CACTIN: variants seen among roughly 807,000 people sequenced by gnomAD.
CACTIN encodes the protein splicing factor Cactin.
In CACTIN, 20 loss-of-function variants were observed where a neutral mutation model predicts 84.9. The observed-to-expected ratio is 0.24, with a 90% CI of 0.17 to 0.34. The LOEUF (loss-of-function observed/expected upper bound fraction) is 0.34. Ranked by LOEUF, CACTIN falls within the 10% of genes least tolerant of loss-of-function variation. The pLI, the probability that CACTIN is intolerant of heterozygous loss-of-function variation, is 1.00. For synonymous variants in CACTIN, 549 were observed against 467.9 expected, an observed-to-expected ratio of 1.17 and a Z score of -2.24; for missense variants, 897 against 1,117.2, an observed-to-expected ratio of 0.80 and a Z score of 2.81.
chr19:3,626,639 C>A lies in CACTIN; in HGVS notation c.124G>T (p.Asp42Tyr), dbSNP rs1308716085. ...HGRRNRRRREDEGRRRRRRRS... is the reference protein window; with the variant it reads ...HGRRNRRRREYEGRRRRRRRS... ...CGCCTCCGTCTGCGCCGTCCCTCGT[C>A]CTCCCGGCGCCGTCGGTTTCGCCGC... The change falls in exon 1 of 10, where the codon GAC becomes TAC. Residue 42 changes from aspartate (D) to tyrosine (Y), a missense_variant. Physicochemically the swap from Asp to Tyr is radical, Grantham distance 160. This residue lies in a region of CACTIN where 261 missense variants were observed against 243.8 expected (regional missense o/e 1.07). Transcript: ENST00000429344. 2 of 1,534,758 alleles carry A rather than the reference C, an allele frequency of 1.3e-6. No individual in the cohort carries two copies. The highest frequency in any genetic ancestry group is 2.8e-5 in the African/African-American group (2 of 70,280).
chr19:3,620,750 CGCTCCTTCA>C lies in CACTIN; in HGVS notation c.686_694del (p.Leu229_Glu231del), dbSNP rs773716221. The C allele has an allele frequency of 1.9e-6, 3 of 1,613,530 alleles. No individual in the cohort carries two copies. Among genetic ancestry groups the C allele is most frequent in the Non-Finnish European group, 2.5e-6 (3 of 1,179,890 alleles). On this transcript the variant is annotated inframe_deletion, in exon 3 of 10. Coordinates refer to ENST00000429344, the MANE Select transcript of CACTIN (RefSeq NM_001080543.2). ...GTTGTCCTCCTGGATCCTCTTGTTC[CGCTCCTTCA>C]GCTCCTTCTCCTCCAGGTGGCTGAT... is the stretch of plus-strand genomic sequence containing the variant.
rs536802618 is a variant in CACTIN, at chr19:3,623,267, C to T, written c.642+421G>A. 2.7e-5 allele frequency among the ~76,000 whole-genome samples: 4 copies of T among 146,644 alleles called. No individual in the cohort carries two copies. The South Asian group carries it at 6.5e-4, about 24-fold the overall frequency. Reference sequence around the variant, plus strand: ...AAAGCTGGCCGGGCGTGGTGGCTCACGCCTGTAATCCCAGCACTTTGGGAG... The same window carrying T: ...AAAGCTGGCCGGGCGTGGTGGCTCATGCCTGTAATCCCAGCACTTTGGGAG... On this transcript the variant is annotated intron_variant, in intron 2 of 9. Coordinates refer to ENST00000429344, the MANE Select transcript of CACTIN (RefSeq NM_001080543.2).
Position 3,620,689 on chromosome 19 carries a change from G to T in CACTIN, c.738+18C>A. The T allele has an allele frequency of 6.3e-7, 1 of 1,592,766 alleles. No homozygotes were observed. On this transcript the variant is annotated intron_variant, in intron 3 of 9. Coordinates refer to ENST00000429344, the MANE Select transcript of CACTIN (RefSeq NM_001080543.2). ...TGGAAAGGGAGGGCCCTGCCCAGTGGGCTGGCAGGGTGCCTACCTTCTGCA... is the reference window on the plus strand; with the variant it reads ...TGGAAAGGGAGGGCCCTGCCCAGTGTGCTGGCAGGGTGCCTACCTTCTGCA...
Position 3,626,681 on chromosome 19 carries a change from G to A in CACTIN, c.82C>T (p.Arg28Trp). 1 of 1,523,516 alleles carries A rather than the reference G, an allele frequency of 6.6e-7. No homozygotes were observed. The highest frequency in any genetic ancestry group is 2.7e-5 in the East Asian group (1 of 37,560). The allele number at this position is 1,523,516 out of a possible 1,614,324, so 94.4% of individuals were successfully genotyped here. A position where few individuals can be genotyped will look rare whatever the true frequency, so the allele number is the denominator to read the frequency against. ...TTTCGCCGCCCATGGCTCCTGCTCC[G>A]ACTTCGGCTCCCGCTCTGACTCTGC... is the stretch of plus-strand genomic sequence containing the variant. ...RRQSQSGSRS[R>W]SRSHGRRNRR... The change falls in exon 1 of 10, where the codon CGG (arginine) becomes TGG (tryptophan). Residue 28 changes from arginine to tryptophan, a missense_variant. Around this residue, in one of 8 missense-constraint regions of CACTIN, gnomAD observed 261 missense variants for 243.8 expected, o/e 1.07. Coordinates refer to ENST00000429344, the MANE Select transcript of CACTIN (RefSeq NM_001080543.2).
chr19:3,621,756 C>T (rs796461657), intron 2 of CACTIN, among the ~76,000 whole-genome samples: 23 of 152,292 alleles, frequency 1.5e-4, no homozygotes, highest in African/African-American at 5.5e-4. Flanking sequence ...AGGGGTCTCT[C>T]AAGAGGGGAT....
At position 3,623,910 on chromosome 19, in the gene CACTIN, C is replaced by T. The variant is rs1362312698; in HGVS notation, c.420G>A (p.Leu140=). Residue 140 remains leucine, a synonymous_variant, in exon 2 of 10, where the codon CTG becomes CTA. Coordinates refer to ENST00000429344, the MANE Select transcript of CACTIN (RefSeq NM_001080543.2). Reference sequence around the variant, plus strand: ...CCTCCCGCAGCCGCAGCCGCTCCTGCAGGCTCTGCTGCTGGCTCAGGGCAG... The same window carrying T: ...CCTCCCGCAGCCGCAGCCGCTCCTGTAGGCTCTGCTGCTGGCTCAGGGCAG... The part of the protein sequence containing the change: ...AAAALSQQQS[L]QERLRLREER... 1.9e-6 allele frequency: 3 copies of T among 1,606,412 alleles called. No homozygotes were observed. Among genetic ancestry groups the T allele is most frequent in the African/African-American group, 2.7e-5 (2 of 74,926 alleles).
Position 3,613,075 on chromosome 19 carries a change from T to C in CACTIN, c.1769A>G (p.Gln590Arg), listed in dbSNP as rs768024454. 5.8e-6 allele frequency: 9 copies of C among 1,556,262 alleles called. No homozygotes were observed. The highest frequency in any genetic ancestry group is 1.4e-5 in the African/African-American group (1 of 73,428). ...GCCCTTACCCGTGACCTGGAGCTGC[T>C]GGCGCGAGAGCTGCAGGCGCTGCAG... Reference protein sequence around the residue: ...EDLQRLQLSRQQLQVTGDASE... With the variant: ...EDLQRLQLSRRQLQVTGDASE... The change falls in exon 9 of 10, where the codon CAG becomes CGG. Residue 590 changes from glutamine (Q) to arginine (R), a missense_variant. Coordinates refer to ENST00000429344, the MANE Select transcript of CACTIN (RefSeq NM_001080543.2).
chr19:3,614,636 T>A, intron 6 of CACTIN, 47 bp from the exon 7 acceptor site: 1 of 1,501,928 alleles, frequency 6.7e-7, no homozygotes. Flanking sequence ...ATTTCCTACG[T>A]GCTCCTCCAC....
rs954031548 is a variant in CACTIN, at chr19:3,612,271, C to T, written c.1929G>A (p.Pro643=). 3.1e-6 allele frequency: 5 copies of T among 1,613,010 alleles called. No individual in the cohort carries two copies. The highest frequency in any genetic ancestry group is 1.6e-4 in the Middle Eastern group (1 of 6,084). Residue 643 remains proline, a synonymous_variant, in exon 10 of 10, where the codon CCG becomes CCA. Transcript: ENST00000429344. Reference sequence around the variant, plus strand: ...CCGTGTGCACGCGGTTGAAGAAGCGCGGCTTGCGTGGCCGGTACTTGTCGG... The same window carrying T: ...CCGTGTGCACGCGGTTGAAGAAGCGTGGCTTGCGTGGCCGGTACTTGTCGG... ...LWADKYRPRK[P]RFFNRVHTGF...
intron 6 of CACTIN, chr19:3,614,818 A>G: frequency 1.7e-6 from 1 of 582,104 alleles, no homozygotes; most frequent in Non-Finnish European, 3.1e-6. Context: ...GCAGTTGCTG[A>G]GGCCTTGACC....
At chr19:3,623,611 G>C in intron 2 of CACTIN, 77 bp downstream of exon 2, 1 of 1,282,736 alleles carries the variant, frequency 7.8e-7, no homozygotes, top group South Asian at 1.4e-5. Context: ...GGCAGGCTGG[G>C]AGTGTCTCAA....
intron 9 of CACTIN, 184 bp downstream of exon 9, chr19:3,612,874 G>T: frequency 1.3e-6 from 1 of 797,900 alleles, no homozygotes; most frequent in Non-Finnish European, 2.1e-6. Flanking sequence ...GCAAGCCCAG[G>T]ATGAATGAAG....
chr19:3,626,116 A>G (rs10412882), intron 1 of CACTIN, among the ~76,000 whole-genome samples: 7,945 of 151,978 alleles, frequency 0.052, 537 homozygotes, highest in African/African-American at 0.16. Flanking sequence ...TCCCATCGAG[A>G]CTGCCATCAT....
In CACTIN at chr19:3,626,608, C is replaced by A. The variant is rs1313931218; in HGVS notation, c.155G>T (p.Ser52Ile). The A allele has an allele frequency of 1.3e-6, 2 of 1,489,604 alleles. No individual in the cohort carries two copies. The highest frequency in any genetic ancestry group is 1.3e-5 in the South Asian group (1 of 78,322). The allele number at this position is 1,489,604 out of a possible 1,614,324, so 92.3% of individuals were successfully genotyped here. Residue 52 changes from serine to isoleucine, a missense_variant, in exon 1 of 10, where the codon AGC becomes ATC. Coordinates refer to ENST00000429344, the MANE Select transcript of CACTIN (RefSeq NM_001080543.2). Reference sequence around the variant, plus strand: ...GCAGCGACCCCACCTGCGCTCCCGGCTCCGCCGCCTCCGTCTGCGCCGTCC... The same window carrying A: ...GCAGCGACCCCACCTGCGCTCCCGGATCCGCCGCCTCCGTCTGCGCCGTCC... Reference protein sequence around the residue: ...DEGRRRRRRRSRERRSDSEEE... With the variant: ...DEGRRRRRRRIRERRSDSEEE...
At chr19:3,618,796 C>T (rs1322093127) in intron 6 of CACTIN, 79 bp downstream of exon 6, 2 of 1,177,698 alleles carry the variant, frequency 1.7e-6, no homozygotes, top group African/African-American at 1.5e-5. Flanking sequence ...CACCAGGCCC[C>T]ACAGCAAGTC....
In CACTIN at chr19:3,623,903, G is replaced by A. The variant is rs761641138; in HGVS notation, c.427C>T (p.Arg143Trp). ...ALSQQQSLQERLRLREERKQQ... is the reference protein window; with the variant it reads ...ALSQQQSLQEWLRLREERKQQ... ...TTCCGCTCCTCCCGCAGCCGCAGCC[G>A]CTCCTGCAGGCTCTGCTGCTGGCTC... The change falls in exon 2 of 10, where the codon CGG (arginine) becomes TGG (tryptophan). Residue 143 changes from arginine to tryptophan, a missense_variant. Around this residue, in one of 8 missense-constraint regions of CACTIN, gnomAD observed 261 missense variants for 243.8 expected, o/e 1.07. Transcript: ENST00000429344. 8 of 1,606,246 alleles carry A rather than the reference G, an allele frequency of 5.0e-6. No homozygotes were observed. In the African/African-American group the frequency reaches 5.3e-5, roughly 11 times the overall value.
intron 2 of CACTIN, 116 bp from the exon 3 acceptor site, chr19:3,620,918 C>T (rs966523970): frequency 3.8e-6 from 3 of 783,150 alleles, no homozygotes; most frequent in Middle Eastern, 2.2e-4. Flanking sequence ...AGGTGACCTG[C>T]CAGCACTGCA....
chr19:3,619,980 C>G, intron 4 of CACTIN, 147 bp downstream of exon 4: 1 of 954,116 alleles, frequency 1.0e-6, no homozygotes, highest in Non-Finnish European at 1.5e-6. Context: ...GAAGCCTTGC[C>G]GCCCGGGAAG....
chr19:3,617,449 C>G (rs2033126817), intron 6 of CACTIN, among the ~76,000 whole-genome samples: 1 of 152,196 alleles, frequency 6.6e-6, no homozygotes, highest in South Asian at 2.1e-4. Context: ...ACCAAAGCCA[C>G]CTGGGGTCCC....
Sources: allele counts gnomAD v4.1 joint callset (sites outside exome capture counted in the v4.1 genomes callset), GRCh38; gene constraint gnomAD v4.1.1; regional missense constraint gnomAD v4.1.1; transcripts MANE v1.5; gene names NCBI Gene and HGNC (gene_info 2026-07-23, HGNC 2026-07-21).